SLC38A4: variants seen among roughly 807,000 people sequenced by gnomAD.
SLC38A4 encodes solute carrier family 38 member 4.
Under a neutral mutation model 63.1 loss-of-function variants are expected in SLC38A4, and 20 were observed. The ratio of observed to expected loss-of-function variants is 0.32; its 90% confidence interval spans 0.22 to 0.46. The LOEUF (loss-of-function observed/expected upper bound fraction) is 0.46. Among genes scored for constraint, SLC38A4 ranks in the 20% least tolerant of loss-of-function variants. The pLI is 1.00. For missense variants in SLC38A4, 526 were observed against 663.6 expected, an observed-to-expected ratio of 0.79 and a Z score of 2.28; for synonymous variants, 230 against 225.5, an observed-to-expected ratio of 1.02 and a Z score of -0.18.
Position 46,798,799 on chromosome 12 carries a change from T to A in SLC38A4, c.-113+4804A>T, listed in dbSNP as rs190399968. On this transcript the variant is annotated intron_variant, in intron 2 of 16. Transcript: ENST00000266579. Reference sequence around the variant, plus strand: ...CGGTCCTCTGAGGTGAGTACAATTTTTTTTCTTATTCCCATTGTACAGATG... The same window carrying A: ...CGGTCCTCTGAGGTGAGTACAATTTATTTTCTTATTCCCATTGTACAGATG... Among the ~76,000 whole-genome samples, 199 of 152,252 alleles carry A rather than the reference T, an allele frequency of 1.3e-3. 5 individuals are homozygous for A. The highest frequency in any genetic ancestry group is 4.5e-3 in the African/African-American group (188 of 41,570).
chr12:46,826,880 TA>T (rs1207227250), upstream of SLC38A4, among the ~76,000 whole-genome samples: 1 of 152,100 alleles, frequency 6.6e-6, no homozygotes, highest in African/African-American at 2.4e-5. Flanking sequence ...CAAAGGCCTT[TA>T]GTAGGTCCAT....
chr12:46,819,144 AAG>A (rs1198466657), intron 1 of SLC38A4, among the ~76,000 whole-genome samples: 1 of 151,848 alleles, frequency 6.6e-6, no homozygotes, highest in East Asian at 1.9e-4. Flanking sequence ...GTAATTCTGT[AAG>A]ACAACTAGAT....
intron 1 of SLC38A4, among the ~76,000 whole-genome samples, chr12:46,810,381 G>C (rs964192479): frequency 6.6e-6 from 1 of 151,784 alleles, no homozygotes; most frequent in Admixed American, 6.6e-5. Flanking sequence ...ACACACCGGG[G>C]CTGTCGGTGG....
intron 1 of SLC38A4, among the ~76,000 whole-genome samples, chr12:46,806,045 A>T (rs1939224293): frequency 3.3e-5 from 5 of 151,740 alleles, no homozygotes; most frequent in Admixed American, 3.3e-4. Flanking sequence ...GATTTCAGAG[A>T]GCCCACAGAC....
intron 5 of SLC38A4, among the ~76,000 whole-genome samples, chr12:46,785,602 C>T (rs371110556): frequency 2.6e-5 from 4 of 152,062 alleles, no homozygotes; most frequent in East Asian, 1.9e-4. Flanking sequence ...AATCCAAAGG[C>T]GAAAGCATGC....
At chr12:46,777,984 G>T (rs150376287) in intron 12 of SLC38A4, among the ~76,000 whole-genome samples, 5 of 151,936 alleles carry the variant, frequency 3.3e-5, no homozygotes, top group Non-Finnish European at 5.9e-5. Flanking sequence ...CGTTTCTTCC[G>T]AACAAAATTC....
chr12:46,778,265 A>T (rs766441111), intron 12 of SLC38A4, 24 bp downstream of exon 12: 7 of 1,607,696 alleles, frequency 4.4e-6, no homozygotes, highest in Non-Finnish European at 6.0e-6. Context: ...GCAAATTAGA[A>T]TGCTAAAATG....
chr12:46,797,629 A>G (rs1404786031), intron 2 of SLC38A4, among the ~76,000 whole-genome samples: 2 of 152,126 alleles, frequency 1.3e-5, no homozygotes, highest in Non-Finnish European at 2.9e-5. Flanking sequence ...GTCATCTTAT[A>G]TCTATATACA....
rs775959801 is a variant in SLC38A4 at position 46,784,600 on chromosome 12, T to A, written c.435A>T (p.Ala145=). ...CTCCAATTTTTCCCGGCCATCCAAATGCCTTTTCTCCTAATTTTTCATAAA... is the reference window on the plus strand; with the variant it reads ...CTCCAATTTTTCCCGGCCATCCAAAAGCCTTTTCTCCTAATTTTTCATAAA... ...SLIYEKLGEK[A]FGWPGKIGAF... The change falls in exon 7 of 17, where the codon GCA becomes GCT. Residue 145 remains alanine (A), a synonymous_variant. Coordinates refer to ENST00000266579, the MANE Select transcript of SLC38A4 (RefSeq NM_018018.5). 15 of 1,612,962 alleles carry A rather than the reference T, an allele frequency of 9.3e-6. No homozygotes were observed. Among genetic ancestry groups the A allele is most frequent in the Middle Eastern group, 3.3e-4 (2 of 6,048 alleles).
chr12:46,787,192 A>G (rs527692899), intron 5 of SLC38A4, among the ~76,000 whole-genome samples: 2 of 152,338 alleles, frequency 1.3e-5, no homozygotes, highest in African/African-American at 4.8e-5. Context: ...TGCCTGTACC[A>G]GGCACTGCTC....
At chr12:46,813,749 T>C (rs1939383439) in intron 1 of SLC38A4, among the ~76,000 whole-genome samples, 1 of 152,044 alleles carries the variant, frequency 6.6e-6, no homozygotes, top group Admixed American at 6.6e-5. Flanking sequence ...TGTCTGACTT[T>C]GGGCAAGTTA....
At chr12:46,766,858 T>C (rs1938311703) in intron 16 of SLC38A4, 56 bp from the exon 17 acceptor site, 1 of 1,271,744 alleles carries the variant, frequency 7.9e-7, no homozygotes, top group African/African-American at 1.5e-5. Flanking sequence ...GTACAATTTG[T>C]TTTTTAGTTG....
intron 1 of SLC38A4, among the ~76,000 whole-genome samples, chr12:46,805,952 A>T (rs1939222650): frequency 6.6e-6 from 1 of 151,772 alleles, no homozygotes; most frequent in African/African-American, 2.4e-5. Context: ...CCCAGACTAG[A>T]ACCTACTTAG....
At chr12:46,800,626 A>G (rs1939112567) in intron 2 of SLC38A4, among the ~76,000 whole-genome samples, 1 of 151,946 alleles carries the variant, frequency 6.6e-6, no homozygotes, top group Non-Finnish European at 1.5e-5. Context: ...ATCTGCCACT[A>G]TATGCTCTCC....
upstream of SLC38A4, among the ~76,000 whole-genome samples, chr12:46,829,153 T>C (rs564484297): frequency 4.7e-4 from 71 of 152,326 alleles, no homozygotes; most frequent in South Asian, 6.0e-3. Flanking sequence ...CAAATACCTA[T>C]AGAATAGAGT....
intron 2 of SLC38A4, among the ~76,000 whole-genome samples, chr12:46,799,066 A>C (rs546065614): frequency 6.6e-6 from 1 of 152,306 alleles, no homozygotes; most frequent in African/African-American, 2.4e-5. Context: ...AATGAGTGTC[A>C]AAGTTTGGCC....
intron 13 of SLC38A4, 100 bp from the exon 14 acceptor site, chr12:46,775,273 G>T: frequency 7.1e-7 from 1 of 1,413,484 alleles, no homozygotes; most frequent in South Asian, 1.6e-5. Flanking sequence ...CAGAGGAAAA[G>T]ACCTAGGCCT....
At chr12:46,768,846 T>C (rs1234352289) in intron 15 of SLC38A4, among the ~76,000 whole-genome samples, 2 of 152,082 alleles carry the variant, frequency 1.3e-5, no homozygotes, top group Non-Finnish European at 2.9e-5. Flanking sequence ...CATGCAGTTA[T>C]GGGGAAATAC....
intron 1 of SLC38A4, among the ~76,000 whole-genome samples, chr12:46,820,000 G>T (rs1055874307): frequency 6.6e-6 from 1 of 151,750 alleles, no homozygotes; most frequent in African/African-American, 2.4e-5. Flanking sequence ...TTTTAAAGTG[G>T]GCCTCACTGT....
Sources: gnomAD v4.1 joint callset for allele counts (sites outside exome capture counted in the v4.1 genomes callset) on GRCh38, gnomAD v4.1.1 for gene constraint, MANE v1.5 for transcripts, NCBI Gene and HGNC (gene_info 2026-07-23, HGNC 2026-07-21) for gene names.